The following MAGI3 variants were observed in gnomAD, a reference collection of about 807,000 sequenced individuals.
MAGI3 encodes membrane associated guanylate kinase, WW and PDZ domain containing 3.
MAGI3 carries 43 observed loss-of-function variants against 121.8 expected under a neutral mutation model. The observed-to-expected ratio is 0.35, with a 90% confidence interval of 0.28 to 0.46. The LOEUF is 0.46. Ranked by LOEUF, MAGI3 falls within the 20% of genes least tolerant of loss-of-function variation. The pLI is 1.00. For synonymous variants in MAGI3, 553 were observed against 639.3 expected, an observed-to-expected ratio of 0.86 and a Z score of 2.04; for missense variants, 1,547 against 1,797.3, an observed-to-expected ratio of 0.86 and a Z score of 2.52.
intron 9 of MAGI3, among the ~76,000 whole-genome samples, chr1:113,637,591 A>G (rs1652122561): frequency 6.6e-6 from 1 of 152,216 alleles, no homozygotes; most frequent in Non-Finnish European, 1.5e-5. Context: ...GTTTCTGCCA[A>G]GAGATCCACT....
Position 113,671,740 on chromosome 1 carries a change from A to G in MAGI3, c.2822A>G (p.His941Arg), listed in dbSNP as rs765539318. Residue 941 changes from histidine to arginine, a missense_variant, in exon 17 of 21, where the codon CAT becomes CGT. Coordinates refer to ENST00000307546, the MANE Select transcript of MAGI3 (RefSeq NM_001142782.2). ...TGTTTTCTCATTTGAACAGAGCATC[A>G]TGGTCCACCATCAGGAACAAACTCA... The part of the protein sequence containing the change: ...TLTVIAEEEH[H>R]GPPSGTNSAR... The G allele has an allele frequency of 5.6e-6, 9 of 1,614,204 alleles. No homozygotes were observed. The South Asian group carries it at 6.6e-5, about 12-fold the overall frequency.
intron 2 of MAGI3, among the ~76,000 whole-genome samples, chr1:113,557,541 C>G (rs570472926): frequency 6.6e-6 from 1 of 152,112 alleles, no homozygotes; most frequent in South Asian, 2.1e-4. Flanking sequence ...AGCCACCACC[C>G]ATGTTCTATG....
At chr1:113,495,100 A>G (rs1461334683) in intron 1 of MAGI3, among the ~76,000 whole-genome samples, 1 of 152,216 alleles carries the variant, frequency 6.6e-6, no homozygotes, top group East Asian at 1.9e-4. Flanking sequence ...TGTTGTCGGC[A>G]GCTAGATGCT....
chr1:113,679,322 T>C (rs982030323), intron 19 of MAGI3, among the ~76,000 whole-genome samples: 4 of 152,186 alleles, frequency 2.6e-5, no homozygotes, highest in African/African-American at 9.7e-5. Context: ...ACTCAGTGTT[T>C]AGCTCCCAAT....
At chr1:113,663,440 A>T (rs1653888460) in intron 16 of MAGI3, among the ~76,000 whole-genome samples, 1 of 152,110 alleles carries the variant, frequency 6.6e-6, no homozygotes, top group Non-Finnish European at 1.5e-5. Flanking sequence ...GGTATTTCAT[A>T]TAAATAGAAT....
At chr1:113,619,921 A>G (rs1650717692) in intron 8 of MAGI3, 91 bp downstream of exon 8, 6 of 859,670 alleles carry the variant, frequency 7.0e-6, no homozygotes, top group Non-Finnish European at 1.1e-5. Flanking sequence ...TCTTATTTCT[A>G]TGGCTTTGAC....
intron 9 of MAGI3, among the ~76,000 whole-genome samples, chr1:113,633,100 G>T (rs1651745301): frequency 7.8e-6 from 1 of 127,782 alleles, no homozygotes; most frequent in South Asian, 2.5e-4. Context: ...TCCCCTTCCT[G>T]TGTCCATGTG....
chr1:113,625,755 C>A (rs943481070), intron 9 of MAGI3, among the ~76,000 whole-genome samples: 7 of 152,112 alleles, frequency 4.6e-5, no homozygotes, highest in Admixed American at 3.9e-4. Flanking sequence ...TGAAAGTGGG[C>A]ATCTTCATTT....
At chr1:113,432,278 C>T (rs1403209250) in intron 1 of MAGI3, among the ~76,000 whole-genome samples, 1 of 152,124 alleles carries the variant, frequency 6.6e-6, no homozygotes, top group African/African-American at 2.4e-5. Context: ...ACTTTATATA[C>T]ATTTACTCTT....
chr1:113,562,397 T>C (rs1660276430), intron 2 of MAGI3, among the ~76,000 whole-genome samples: 1 of 151,400 alleles, frequency 6.6e-6, no homozygotes, highest in Non-Finnish European at 1.5e-5. Flanking sequence ...CGAGACTCCA[T>C]CTCAAAAAAA....
At chr1:113,449,360 GGTGT>G (rs71087199) in intron 1 of MAGI3, among the ~76,000 whole-genome samples, 3,509 of 147,314 alleles carry the variant, frequency 0.024, 130 homozygotes, top group African/African-American at 0.082. Flanking sequence ...TTACTTTTAT[GGTGT>G]GTGTGTGTGT....
At chr1:113,426,934 CTATATATATCTGTATCTATCTATATATA>C (rs1653036326) in intron 1 of MAGI3, among the ~76,000 whole-genome samples, 1 of 151,802 alleles carries the variant, frequency 6.6e-6, no homozygotes, top group African/African-American at 2.4e-5. Context: ...ATTACTCTCT[CTATATATATCTGTATCTATCTATATATA>C]TATATATGAT....
intron 1 of MAGI3, among the ~76,000 whole-genome samples, chr1:113,440,288 ACTTACAGTGG>A (rs986872274): frequency 2.6e-5 from 4 of 152,304 alleles, no homozygotes; most frequent in African/African-American, 7.2e-5. Flanking sequence ...CAACAGAAAA[ACTTACAGTGG>A]CTTACAGTGG....
intron 1 of MAGI3, among the ~76,000 whole-genome samples, chr1:113,522,085 T>TATTTTTTGGTCTGTC (rs1366431447): frequency 1.3e-5 from 2 of 151,986 alleles, no homozygotes; most frequent in Non-Finnish European, 2.9e-5. Context: ...CACTAACACG[T>TATTTTTTGGTCTGTC]GTATTTTTTG....
At position 113,642,038 on chromosome 1, in the gene MAGI3, T is replaced by G. The variant is rs1434696945; in HGVS notation, c.1488T>G (p.Leu496=). The change falls in exon 10 of 21, where the codon CTT becomes CTG. Residue 496 remains leucine (L), a synonymous_variant. Coordinates refer to ENST00000307546, the MANE Select transcript of MAGI3 (RefSeq NM_001142782.2). ...TCACTTTATGTCGTGGTTATCCACT[T>G]CCTGATGACAGTGAAGATCCTGTTG... The part of the protein sequence containing the change: ...VNLTLCRGYP[L]PDDSEDPVVD... 1.9e-6 allele frequency: 3 copies of G among 1,614,232 alleles called. No individual in the cohort carries two copies. The highest frequency in any genetic ancestry group is 3.3e-5 in the Admixed American group (2 of 60,026).
At chr1:113,491,058 C>CA (rs1249809894) in intron 1 of MAGI3, among the ~76,000 whole-genome samples, 3 of 151,988 alleles carry the variant, frequency 2.0e-5, no homozygotes, top group Non-Finnish European at 4.4e-5. Flanking sequence ...CTCTCCACCC[C>CA]AAAAAAACAG....
intron 1 of MAGI3, among the ~76,000 whole-genome samples, chr1:113,445,445 T>C (rs1407518386): frequency 6.6e-6 from 1 of 151,800 alleles, no homozygotes; most frequent in Admixed American, 6.6e-5. Flanking sequence ...CTCTAAAAAA[T>C]AATAATAAAA....
chr1:113,646,623 G>A lies in MAGI3; in HGVS notation c.2136G>A (p.Lys712=). 1 of 1,593,398 alleles carries A rather than the reference G, an allele frequency of 6.3e-7. No individual in the cohort carries two copies. The highest frequency in any genetic ancestry group is 8.5e-7 in the Non-Finnish European group (1 of 1,172,264). Residue 712 remains lysine, a synonymous_variant, in exon 12 of 21, where the codon AAG becomes AAA. Coordinates refer to ENST00000307546, the MANE Select transcript of MAGI3 (RefSeq NM_001142782.2). ...LDPSEVYLKS[K]TLYEDKPPNT... Reference sequence around the variant, plus strand: ...CTTCTGAGGTCTACCTGAAATCTAAGACTTTATATGAAGATAAACGTAAGT... The same window carrying A: ...CTTCTGAGGTCTACCTGAAATCTAAAACTTTATATGAAGATAAACGTAAGT...
chr1:113,437,913 T>C (rs906610091), intron 1 of MAGI3, among the ~76,000 whole-genome samples: 1 of 13,164 alleles, frequency 7.6e-5, no homozygotes, highest in Admixed American at 1.2e-3. Flanking sequence ...TCCTTCTCCT[T>C]CTCCTTCTCC....
Sources: gnomAD v4.1 joint callset for allele counts (sites outside exome capture counted in the v4.1 genomes callset) on GRCh38, gnomAD v4.1.1 for gene constraint, MANE v1.5 for transcripts, NCBI Gene and HGNC (gene_info 2026-07-23, HGNC 2026-07-21) for gene names.